ORC3: variants seen among roughly 807,000 people sequenced by gnomAD.
ORC3 encodes the protein homolog of latheo, Drosophila.
In ORC3, 78 loss-of-function variants were observed where a neutral mutation model predicts 100.7. The observed-to-expected ratio is 0.77, with a 90% CI of 0.65 to 0.94. ORC3 has a LOEUF of 0.94. Ranked by LOEUF, ORC3 falls within the 40% of genes least tolerant of loss-of-function variation. The pLI is 0.00. For synonymous variants in ORC3, 295 were observed against 289.3 expected, an observed-to-expected ratio of 1.02 and a Z score of -0.20; for missense variants, 789 against 823.9, an observed-to-expected ratio of 0.96 and a Z score of 0.52.
At chr6:87,622,456 G>A (rs1441817313) in intron 11 of ORC3, among the ~76,000 whole-genome samples, 1 of 152,030 alleles carries the variant, frequency 6.6e-6, no homozygotes, top group Admixed American at 6.6e-5. Flanking sequence ...ATTATATATT[G>A]ATAATATAAA....
rs567839506 is a variant in ORC3, at chr6:87,617,251, T to C, written c.987+824T>C. ...TCTCTGTAATTTGTATTCTGATACA[T>C]TGGGAATTCATTTTCACTAGTTTCA... On this transcript the variant is annotated intron_variant, in intron 9 of 19. Coordinates refer to ENST00000392844, the MANE Select transcript of ORC3 (RefSeq NM_012381.4). Among the ~76,000 whole-genome samples the C allele has an allele frequency of 5.3e-5, 8 of 152,322 alleles. No homozygotes were observed. In the East Asian group the frequency reaches 1.5e-3, roughly 29 times the overall value.
At chr6:87,610,088 T>C (rs1778632724) in intron 7 of ORC3, among the ~76,000 whole-genome samples, 1 of 152,216 alleles carries the variant, frequency 6.6e-6, no homozygotes, top group Admixed American at 6.5e-5. Flanking sequence ...GCATTTTCCC[T>C]GGTGTATTTT....
intron 11 of ORC3, among the ~76,000 whole-genome samples, chr6:87,628,103 GACTAA>G (rs969333678): frequency 2.0e-5 from 3 of 152,154 alleles, no homozygotes; most frequent in African/African-American, 7.2e-5. Context: ...AAATTTAGCT[GACTAA>G]AACTAACACA....
At chr6:87,597,684 C>T (rs1464827067) in intron 2 of ORC3, among the ~76,000 whole-genome samples, 24 of 95,740 alleles carry the variant, frequency 2.5e-4, no homozygotes, top group East Asian at 1.6e-3. Flanking sequence ...TATATATACA[C>T]ACACACACAC....
At chr6:87,605,824 T>A in intron 4 of ORC3, 93 bp from the exon 5 acceptor site, 1 of 673,062 alleles carries the variant, frequency 1.5e-6, no homozygotes, top group South Asian at 2.0e-5. Context: ...TTTTTAAATG[T>A]TTTTACTTGT....
At chr6:87,617,326 A>G (rs1185201504) in intron 9 of ORC3, among the ~76,000 whole-genome samples, 1 of 152,152 alleles carries the variant, frequency 6.6e-6, no homozygotes, top group African/African-American at 2.4e-5. Context: ...TATATGCTGT[A>G]ACCTAAAAAA....
At chr6:87,613,810 G>T (rs960242428) in intron 8 of ORC3, among the ~76,000 whole-genome samples, 1 of 152,208 alleles carries the variant, frequency 6.6e-6, no homozygotes, top group Non-Finnish European at 1.5e-5. Flanking sequence ...GCAAGAGGTG[G>T]GTTCCCATGG....
At chr6:87,655,052 A>G (rs1769563519) in intron 14 of ORC3, among the ~76,000 whole-genome samples, 1 of 152,222 alleles carries the variant, frequency 6.6e-6, no homozygotes, top group African/African-American at 2.4e-5. Context: ...TTAATAATAA[A>G]CTGAAACTAA....
At chr6:87,638,963 A>C (rs908575279) in intron 13 of ORC3, among the ~76,000 whole-genome samples, 1 of 151,910 alleles carries the variant, frequency 6.6e-6, no homozygotes, top group Admixed American at 6.6e-5. Context: ...TGGCCGAGAT[A>C]GTGACACCTT....
In ORC3 at chr6:87,605,964, G is replaced by T. The variant is rs764438571; in HGVS notation, c.370G>T (p.Ala124Ser). Residue 124 changes from alanine to serine, a missense_variant, in exon 5 of 20, where the codon GCC (alanine) becomes TCC (serine). Ala to Ser is a moderately conservative substitution (Grantham distance 99). Around this residue, in one of 3 missense-constraint regions of ORC3, gnomAD observed 399 missense variants for 382.0 expected, o/e 1.04. Coordinates refer to ENST00000392844, the MANE Select transcript of ORC3 (RefSeq NM_012381.4). ...TTTGACATTCGGAAGTCTAACAGAG[G>T]CCCTTCAGAATAATGTCACACCATA... is the stretch of plus-strand genomic sequence containing the variant. Reference protein sequence around the residue: ...HDLTFGSLTEALQNNVTPYVV... With the variant: ...HDLTFGSLTESLQNNVTPYVV... The T allele has an allele frequency of 3.1e-6, 5 of 1,610,892 alleles. No homozygotes were observed. In the Admixed American group the frequency reaches 8.3e-5, roughly 27 times the overall value.
At chr6:87,595,864 C>T (rs1777392691) in intron 2 of ORC3, among the ~76,000 whole-genome samples, 1 of 152,164 alleles carries the variant, frequency 6.6e-6, no homozygotes, top group African/African-American at 2.4e-5. Flanking sequence ...GACAGGGTCT[C>T]AGTCTGTCAC....
intron 4 of ORC3, 102 bp downstream of exon 4, chr6:87,603,630 T>A (rs1778130615): frequency 3.4e-6 from 2 of 596,642 alleles, no homozygotes; most frequent in Non-Finnish European, 5.6e-6. Flanking sequence ...TTGATGAGCC[T>A]ATTTTGTCTC....
At chr6:87,646,874 A>C (rs1359767552) in intron 13 of ORC3, among the ~76,000 whole-genome samples, 3 of 152,156 alleles carry the variant, frequency 2.0e-5, no homozygotes, top group Non-Finnish European at 1.5e-5. Context: ...CACACCTCAA[A>C]GTTAACCTAC....
Position 87,607,824 on chromosome 6 carries a change from G to T in ORC3, c.579G>T (p.Gln193His). ...CCAGTTGGTATATGACTGTCACACA[G>T]GTAGATATAAACTGATGATTTTCTC... is the stretch of plus-strand genomic sequence containing the variant. Reference protein sequence around the residue: ...SLSSWYMTVTQKTDPKMLSKK... With the variant: ...SLSSWYMTVTHKTDPKMLSKK... The change falls in exon 6 of 20, where the codon CAG becomes CAT. Residue 193 changes from glutamine (Q) to histidine (H), a missense_variant and splice_region_variant. Physicochemically the swap from Gln to His is conservative, Grantham distance 24 (BLOSUM62 0). This residue lies in a region of ORC3 where 399 missense variants were observed against 382.0 expected (regional missense o/e 1.04). Coordinates refer to ENST00000392844, the MANE Select transcript of ORC3 (RefSeq NM_012381.4). The T allele has an allele frequency of 6.2e-7, 1 of 1,603,594 alleles. No homozygotes were observed.
chr6:87,676,231 G>A, the ORC3 span, among the ~76,000 whole-genome samples: 9,052 of 151,838 alleles, frequency 0.06, 297 homozygotes, highest in African/African-American at 0.077. Flanking sequence ...CTGGGAGGCC[G>A]AGGCGGGCGG....
In ORC3 at chr6:87,607,799, C is replaced by T. The variant is rs916529790; in HGVS notation, c.554C>T (p.Ser185Phe). 27 of 1,611,918 alleles carry T rather than the reference C, an allele frequency of 1.7e-5. No homozygotes were observed. The highest frequency in any genetic ancestry group is 2.3e-5 in the Non-Finnish European group (27 of 1,178,774). The stretch of plus-strand genomic sequence containing the variant: ...ACACATTATTCAATGGATTCACTTT[C>T]CAGTTGGTATATGACTGTCACACAG... ...RKTHYSMDSL[S>F]SWYMTVTQKT... is the part of the protein sequence containing the mutation. Residue 185 changes from serine (S) to phenylalanine (F), a missense_variant, in exon 6 of 20, where the codon TCC (serine) becomes TTC (phenylalanine). Transcript: ENST00000392844.
intron 17 of ORC3, among the ~76,000 whole-genome samples, chr6:87,664,201 T>A (rs2128296056): frequency 6.6e-6 from 1 of 152,258 alleles, no homozygotes; most frequent in East Asian, 1.9e-4. Flanking sequence ...AGGGTGTGTA[T>A]GTAAGACTTT....
intron 3 of ORC3, among the ~76,000 whole-genome samples, chr6:87,602,623 A>G (rs910476950): frequency 1.3e-5 from 2 of 151,982 alleles, no homozygotes; most frequent in African/African-American, 4.8e-5. Context: ...ATTCCATGTG[A>G]TCCTTCAAGG....
chr6:87,616,050 A>AT (rs199851482), intron 8 of ORC3, among the ~76,000 whole-genome samples: 195 of 151,108 alleles, frequency 1.3e-3, no homozygotes, highest in African/African-American at 4.0e-3. Flanking sequence ...AATAGGTGGT[A>AT]TTTTTTTTTA....
Sources: allele counts gnomAD v4.1 joint callset (sites outside exome capture counted in the v4.1 genomes callset), GRCh38; gene constraint gnomAD v4.1.1; regional missense constraint gnomAD v4.1.1; transcripts MANE v1.5; gene names NCBI Gene and HGNC (gene_info 2026-07-23, HGNC 2026-07-21).